The following PACRG variants were observed in gnomAD, a reference collection of about 807,000 sequenced individuals.
PACRG encodes the protein parkin coregulated.
A neutral mutation model predicts 29.7 loss-of-function variants in PACRG; 29 were observed. The ratio of observed to expected loss-of-function variants is 0.98; its 90% confidence interval spans 0.73 to 1.33. PACRG has a LOEUF of 1.33. PACRG is among the 40% of genes most tolerant of loss of function. PACRG has a pLI of 0.00. For missense variants in PACRG, 279 were observed against 316.2 expected, an observed-to-expected ratio of 0.88 and a Z score of 0.89; for synonymous variants, 116 against 118.7, an observed-to-expected ratio of 0.98 and a Z score of 0.15.
At chr6:163,069,997 A>T (rs1450296463) in intron 3 of PACRG, among the ~76,000 whole-genome samples, 1 of 152,156 alleles carries the variant, frequency 6.6e-6, no homozygotes, top group Non-Finnish European at 1.5e-5. Flanking sequence ...ACAGGCCAGG[A>T]GAGGGTGTCA....
rs571273681 is a variant in PACRG, at chr6:163,128,249, G to C, written c.613+38841G>C. ...GAGAAATTGCCCTCAGTTGTAAATG[G>C]AAAATGAGTTTAAGCATCCTCCTAA... On this transcript the variant is annotated intron_variant, in intron 4 of 4. Coordinates refer to ENST00000366888, the MANE Select transcript of PACRG (RefSeq NM_001080379.2). Among the ~76,000 whole-genome samples, 3 of 152,312 alleles carry C rather than the reference G, an allele frequency of 2.0e-5. No individual in the cohort carries two copies. The South Asian group carries it at 6.2e-4, about 32-fold the overall frequency.
At chr6:163,059,559 A>G (rs541563120) in intron 2 of PACRG, among the ~76,000 whole-genome samples, 1 of 152,250 alleles carries the variant, frequency 6.6e-6, no homozygotes, top group Non-Finnish European at 1.5e-5. Context: ...ACAATTTACC[A>G]GGAGGTTATA....
chr6:163,260,475 T>A (rs2128175170), intron 4 of PACRG, among the ~76,000 whole-genome samples: 1 of 152,354 alleles, frequency 6.6e-6, no homozygotes, highest in South Asian at 2.1e-4. Context: ...CAACTGTATT[T>A]CTACACCTAT....
chr6:162,959,767 G>C (rs1378490131), intron 2 of PACRG, among the ~76,000 whole-genome samples: 1 of 152,116 alleles, frequency 6.6e-6, no homozygotes. Context: ...AGGTGCAGAT[G>C]GTACAGATGG....
At chr6:163,145,859 G>A (rs969004274) in intron 4 of PACRG, among the ~76,000 whole-genome samples, 10 of 152,182 alleles carry the variant, frequency 6.6e-5, no homozygotes, top group Non-Finnish European at 1.2e-4. Flanking sequence ...GACGCCTACC[G>A]GAGATGGGAG....
intron 4 of PACRG, among the ~76,000 whole-genome samples, chr6:163,101,933 A>C (rs1376408047): frequency 6.6e-6 from 1 of 152,178 alleles, no homozygotes. Flanking sequence ...AAACAAAACA[A>C]AAAAAGTTGA....
intron 1 of PACRG, among the ~76,000 whole-genome samples, chr6:162,780,902 A>G (rs1307265368): frequency 6.6e-6 from 1 of 152,100 alleles, no homozygotes; most frequent in Non-Finnish European, 1.5e-5. Flanking sequence ...CAGCAGTGAG[A>G]CAACTAGAAT....
intron 1 of PACRG, among the ~76,000 whole-genome samples, chr6:162,740,921 A>G (rs866219391): frequency 1.3e-5 from 2 of 151,978 alleles, no homozygotes; most frequent in African/African-American, 4.8e-5. Context: ...TATATTCTTA[A>G]TTTGCTAAGG....
intron 2 of PACRG, among the ~76,000 whole-genome samples, chr6:162,977,349 A>G (rs971827812): frequency 3.9e-5 from 6 of 152,044 alleles, no homozygotes; most frequent in Non-Finnish European, 8.8e-5. Context: ...AAAAGTTAAG[A>G]AAGTGAAAAT....
At chr6:163,302,286 A>C (rs1785036105) in intron 4 of PACRG, among the ~76,000 whole-genome samples, 1 of 150,546 alleles carries the variant, frequency 6.6e-6, no homozygotes, top group African/African-American at 2.4e-5. Context: ...TGTGGCCAAA[A>C]CTTTGATTGG....
intron 1 of PACRG, among the ~76,000 whole-genome samples, chr6:162,762,043 G>T (rs1466110893): frequency 6.8e-6 from 1 of 147,914 alleles, no homozygotes; most frequent in Non-Finnish European, 1.5e-5. Context: ...CAGATCTAAT[G>T]CCAAGTTCCA....
chr6:163,071,043 A>G (rs1314377541), intron 3 of PACRG, among the ~76,000 whole-genome samples: 1 of 152,168 alleles, frequency 6.6e-6, no homozygotes, highest in Non-Finnish European at 1.5e-5. Flanking sequence ...CCAGATAGGT[A>G]AAGCAAATAT....
At chr6:163,215,437 A>G (rs1781323745) in intron 4 of PACRG, among the ~76,000 whole-genome samples, 2 of 152,312 alleles carry the variant, frequency 1.3e-5, no homozygotes, top group Non-Finnish European at 1.5e-5. Flanking sequence ...TTCTGGAGTC[A>G]ATTTAGTAGA....
In PACRG at chr6:163,254,273, G is replaced by A. The variant is rs528908313; in HGVS notation, c.614-60554G>A. On this transcript the variant is annotated intron_variant, in intron 4 of 4. Coordinates refer to ENST00000366888, the MANE Select transcript of PACRG (RefSeq NM_001080379.2). ...GGATCGCAAGAGTCTGAAGCCCCAT[G>A]AATGACCAAAAATATGCGCCTGAAA... Among the ~76,000 whole-genome samples the A allele has an allele frequency of 8.7e-4, 133 of 152,288 alleles. No individual in the cohort carries two copies. In the Middle Eastern group the frequency reaches 0.017, roughly 19 times the overall value.
At chr6:163,143,482 T>G (rs1777637909) in intron 4 of PACRG, among the ~76,000 whole-genome samples, 1 of 152,208 alleles carries the variant, frequency 6.6e-6, no homozygotes. Context: ...ACATCAGAAG[T>G]CGGCTTGTTG....
At chr6:162,766,635 G>A (rs1782813290) in intron 1 of PACRG, among the ~76,000 whole-genome samples, 1 of 152,026 alleles carries the variant, frequency 6.6e-6, no homozygotes. Context: ...TTTGTTTCTT[G>A]AATCTCCATA....
At chr6:163,063,754 G>A (rs577745523) in intron 3 of PACRG, among the ~76,000 whole-genome samples, 1 of 152,208 alleles carries the variant, frequency 6.6e-6, no homozygotes, top group East Asian at 1.9e-4. Flanking sequence ...GCTACCTGAT[G>A]TGCGAGTAAC....
intron 4 of PACRG, among the ~76,000 whole-genome samples, chr6:163,118,475 G>A (rs933445774): frequency 2.0e-5 from 3 of 152,168 alleles, no homozygotes; most frequent in South Asian, 2.1e-4. Flanking sequence ...TATTTTTTAA[G>A]CAAAGTTACT....
chr6:163,142,425 A>T (rs1298511106), intron 4 of PACRG, among the ~76,000 whole-genome samples: 1 of 152,216 alleles, frequency 6.6e-6, no homozygotes, highest in Non-Finnish European at 1.5e-5. Flanking sequence ...ATTACCAAAA[A>T]ATAGAAACCC....
Sources: gnomAD v4.1 joint callset for allele counts (sites outside exome capture counted in the v4.1 genomes callset) on GRCh38, gnomAD v4.1.1 for gene constraint, MANE v1.5 for transcripts, NCBI Gene and HGNC (gene_info 2026-07-23, HGNC 2026-07-21) for gene names.